ERC1: variants seen among roughly 807,000 people sequenced by gnomAD.
ERC1 encodes ELKS/RAB6-interacting/CAST family member 1.
Under a neutral mutation model 132.0 loss-of-function variants are expected in ERC1, and 56 were observed. The observed-to-expected ratio is 0.42, with a 90% CI of 0.34 to 0.53. ERC1 has a LOEUF of 0.53. ERC1 is among the 20% of genes least tolerant of loss of function. ERC1 has a pLI of 0.03. For synonymous variants in ERC1, 478 were observed against 476.1 expected (o/e 1.00, Z -0.05); for missense variants, 1,202 against 1,349.9 (o/e 0.89, Z 1.72).
intron 3 of ERC1, among the ~76,000 whole-genome samples, chr12:1,102,050 G>C (rs1202612632): frequency 2.6e-5 from 4 of 152,196 alleles, no homozygotes; most frequent in Admixed American, 6.5e-5. Context: ...GGTAGGAAAG[G>C]AAAAGGGTGG....
rs142890500 is a variant in ERC1, at chr12:1,331,554, G to A, written c.2781-40279G>A. On this transcript the variant is annotated intron_variant, in intron 15 of 18. Transcript: ENST00000360905. The stretch of plus-strand genomic sequence containing the variant: ...GTCACAGAGACCCACTCACAGAGCC[G>A]GTAGATACCTTGGTTCTGTTTCTGT... 4.1e-3 allele frequency among the ~76,000 whole-genome samples: 626 copies of A among 152,188 alleles called. 9 individuals carry two copies. The highest frequency in any genetic ancestry group is 0.014 in the African/African-American group (561 of 41,516).
intron 7 of ERC1, among the ~76,000 whole-genome samples, chr12:1,129,562 A>G (rs1948554199): frequency 6.6e-6 from 1 of 152,146 alleles, no homozygotes; most frequent in South Asian, 2.1e-4. Context: ...GAAAAAATAC[A>G]TTACGTGTAA....
rs1180167103 is a variant in ERC1, at chr12:1,175,383, A to T, written c.1738-5157A>T. ...TCTCAACCCGTGGCACTGCTTCATC[A>T]ACTAAGTTTATTAATATTCTACATA... On this transcript the variant is annotated intron_variant, in intron 8 of 18. Transcript: ENST00000360905. Among the ~76,000 whole-genome samples, 11 of 152,204 alleles carry T rather than the reference A, an allele frequency of 7.2e-5. No individual in the cohort carries two copies. In the East Asian group the frequency reaches 2.1e-3, roughly 29 times the overall value.
intron 17 of ERC1, among the ~76,000 whole-genome samples, chr12:1,415,107 G>A (rs1352366586): frequency 6.6e-6 from 1 of 152,194 alleles, no homozygotes; most frequent in African/African-American, 2.4e-5. Flanking sequence ...GAATATAATG[G>A]AGTTGAATGT....
intron 15 of ERC1, among the ~76,000 whole-genome samples, chr12:1,355,470 C>T (rs1175146194): frequency 6.6e-6 from 1 of 152,168 alleles, no homozygotes; most frequent in Non-Finnish European, 1.5e-5. Flanking sequence ...CCATAAAAAG[C>T]TTTTCTAAGT....
chr12:1,173,363 ACCACT>A (rs754818740), intron 8 of ERC1, among the ~76,000 whole-genome samples: 2 of 152,156 alleles, frequency 1.3e-5, no homozygotes, highest in Non-Finnish European at 2.9e-5. Flanking sequence ...CCTCCCCACC[ACCACT>A]GTTAGAATCG....
intron 12 of ERC1, among the ~76,000 whole-genome samples, chr12:1,213,308 T>C (rs957944869): frequency 2.0e-5 from 3 of 152,136 alleles, no homozygotes; most frequent in Admixed American, 1.3e-4. Flanking sequence ...CTAATGTGAG[T>C]GAAGAGACAG....
In ERC1 at chr12:1,493,833, A is replaced by G. The variant is rs926487337; in HGVS notation, c.*3603A>G. On this transcript the variant is annotated 3_prime_UTR_variant, in exon 19 of 19. Coordinates refer to ENST00000360905, the MANE Select transcript of ERC1 (RefSeq NM_178040.4). ...TCACCCACCCCCAGAGTGAGAGAAG[A>G]GGAAGGCGAAGTCATCACAGACACG... is the stretch of plus-strand genomic sequence containing the variant. 1 of 225,840 alleles carries G rather than the reference A, an allele frequency of 4.4e-6. No individual in the cohort carries two copies. Among genetic ancestry groups the G allele is most frequent in the East Asian group, 6.3e-5 (1 of 15,822 alleles). 14.0% of individuals were successfully genotyped at this position (225,840 alleles called of 1,614,324 possible).
intron 2 of ERC1, among the ~76,000 whole-genome samples, chr12:1,055,650 T>C (rs1972813203): frequency 6.6e-6 from 1 of 152,224 alleles, no homozygotes; most frequent in South Asian, 2.1e-4. Flanking sequence ...TATATATGTA[T>C]GTATACAATG....
chr12:1,069,228 A>G (rs998393347), intron 2 of ERC1, among the ~76,000 whole-genome samples: 8 of 152,168 alleles, frequency 5.3e-5, no homozygotes, highest in Non-Finnish European at 1.2e-4. Context: ...AGTTAGTGCT[A>G]TATGATTAGA....
intron 12 of ERC1, among the ~76,000 whole-genome samples, chr12:1,210,977 T>C (rs1957810871): frequency 6.9e-6 from 1 of 143,914 alleles, no homozygotes; most frequent in Non-Finnish European, 1.5e-5. Context: ...AGAGTGAGAC[T>C]GTGTCTCAAA....
At chr12:1,031,565 T>C (rs1968047661) in intron 2 of ERC1, among the ~76,000 whole-genome samples, 1 of 152,196 alleles carries the variant, frequency 6.6e-6, no homozygotes, top group Non-Finnish European at 1.5e-5. Context: ...TAATTAGAAA[T>C]TATGATAATT....
intron 2 of ERC1, among the ~76,000 whole-genome samples, chr12:1,035,303 T>C (rs1035044700): frequency 1.3e-5 from 2 of 152,224 alleles, no homozygotes; most frequent in East Asian, 3.8e-4. Flanking sequence ...ATTCTAAATA[T>C]TGGATCTGAT....
At chr12:1,044,895 T>C (rs1449163528) in intron 2 of ERC1, among the ~76,000 whole-genome samples, 1 of 152,160 alleles carries the variant, frequency 6.6e-6, no homozygotes, top group Admixed American at 6.5e-5. Context: ...AACATTTTTA[T>C]TTCCACAATG....
intron 18 of ERC1, among the ~76,000 whole-genome samples, chr12:1,458,691 A>T (rs2093590186): frequency 6.6e-6 from 1 of 152,144 alleles, no homozygotes; most frequent in Admixed American, 6.5e-5. Context: ...GGCATGCGCC[A>T]CCATGCCCGG....
intron 2 of ERC1, among the ~76,000 whole-genome samples, chr12:1,042,338 G>GTTTTTTTTTT (rs776086251): frequency 1.7e-5 from 2 of 121,002 alleles, no homozygotes; most frequent in African/African-American, 3.1e-5. Flanking sequence ...CGCCCGGCCT[G>GTTTTTTTTTT]TTTTTTTTTT....
At chr12:1,347,655 T>A (rs1358226477) in intron 15 of ERC1, among the ~76,000 whole-genome samples, 1 of 152,210 alleles carries the variant, frequency 6.6e-6, no homozygotes, top group Non-Finnish European at 1.5e-5. Context: ...TAAATTGTCC[T>A]TTTTGCTCCC....
chr12:1,289,045 T>C (rs1231463155), intron 14 of ERC1, among the ~76,000 whole-genome samples: 26 of 148,156 alleles, frequency 1.8e-4, no homozygotes, highest in Admixed American at 1.5e-3. Context: ...TTTCCCCATG[T>C]CATTTTTAAA....
At chr12:1,183,536 A>G in intron 11 of ERC1, 115 bp downstream of exon 11, 1 of 571,382 alleles carries the variant, frequency 1.8e-6, no homozygotes, top group Non-Finnish European at 2.9e-6. Flanking sequence ...GCCAAACTTT[A>G]AAATACCATG....
Sources: gnomAD v4.1 joint callset for allele counts (sites outside exome capture counted in the v4.1 genomes callset) on GRCh38, gnomAD v4.1.1 for gene constraint, MANE v1.5 for transcripts, NCBI Gene and HGNC (gene_info 2026-07-23, HGNC 2026-07-21) for gene names.